CCL23: variants seen among roughly 807,000 people sequenced by gnomAD.
CCL23 encodes the protein C-C motif chemokine ligand 23.
CCL23 carries 10 observed loss-of-function variants against 11.8 expected under a neutral mutation model. The ratio of observed to expected loss-of-function variants is 0.84; its 90% CI spans 0.52 to 1.43. The LOEUF (loss-of-function observed/expected upper bound fraction) is 1.43. CCL23 is among the 40% of genes most tolerant of loss of function. The probability of loss-of-function intolerance (pLI) is 0.00; values close to 1 mark genes in which losing one functional copy is unlikely to be tolerated. For missense variants in CCL23, 181 were observed against 170.9 expected, an observed-to-expected ratio of 1.06 and a Z score of -0.33; for synonymous variants, 60 against 61.0, an observed-to-expected ratio of 0.98 and a Z score of 0.07.
chr17:36,014,529 C>T (rs551650135), intron 1 of CCL23, 136 bp from the exon 2 acceptor site: 18 of 698,920 alleles, frequency 2.6e-5, no homozygotes, highest in East Asian at 1.6e-4. Context: ...CCTGTCTGGG[C>T]TCTAGGCCTG....
chr17:36,013,383 T>C, intron 3 of CCL23, 75 bp from the exon 4 acceptor site: 2 of 862,784 alleles, frequency 2.3e-6, no homozygotes, highest in Non-Finnish European at 3.8e-6. Flanking sequence ...CCATTCTCCC[T>C]GCCCCTCAGA....
chr17:36,014,038 G>T, intron 2 of CCL23, 129 bp from the exon 3 acceptor site: 2 of 929,920 alleles, frequency 2.2e-6, no homozygotes, highest in Non-Finnish European at 3.2e-6. Context: ...CTCAGGGTGG[G>T]CCAGAGCAGG....
In CCL23 at chr17:36,013,767, G is replaced by A. The variant is rs374320959; in HGVS notation, c.279C>T (p.Ser93=). The A allele has an allele frequency of 1.8e-5, 29 of 1,614,032 alleles. No homozygotes were observed. Among genetic ancestry groups the A allele is most frequent in the African/African-American group, 2.7e-5 (2 of 74,918 alleles). ...SLLESYFETN[S]ECSKPGVIFL... is the part of the protein sequence containing the mutation. Reference sequence around the variant, plus strand: ...ACATGACACCCGGCTTGGAGCACTCGCTGTTCGTTTCAAAGTAACTCTCCA... The same window carrying A: ...ACATGACACCCGGCTTGGAGCACTCACTGTTCGTTTCAAAGTAACTCTCCA... Residue 93 remains serine (S), a synonymous_variant, in exon 3 of 4, where the codon AGC becomes AGT. Transcript: ENST00000615050.
In CCL23 at chr17:36,013,811, T is replaced by C; in HGVS notation, c.235A>G (p.Ser79Gly). ...CTCTCCAGGAGTGAACACGGGATGC[T>C]TCGTGGGGTGTAGGAGATGCAGCAG... is the stretch of plus-strand genomic sequence containing the variant. ...ADCCISYTPR[S>G]IPCSLLESYF... The change falls in exon 3 of 4, where the codon AGC becomes GGC. Residue 79 changes from serine (S) to glycine (G), a missense_variant. Coordinates refer to ENST00000615050, the MANE Select transcript of CCL23 (RefSeq NM_005064.6). 6.2e-7 allele frequency: 1 copy of C among 1,614,154 alleles called. No homozygotes were observed. The highest frequency in any genetic ancestry group is 8.5e-7 in the Non-Finnish European group (1 of 1,180,012).
chr17:36,014,256 A>C (rs1016352950), intron 2 of CCL23, 78 bp downstream of exon 2: 2 of 1,081,358 alleles, frequency 1.8e-6, no homozygotes. Flanking sequence ...CCATTCTGTA[A>C]ACAGGGACAA....
chr17:36,015,179 C>T (rs911335471), intron 1 of CCL23, among the ~76,000 whole-genome samples: 1 of 152,110 alleles, frequency 6.6e-6, no homozygotes. Flanking sequence ...TGACTAAGTA[C>T]CTCATGTGAG....
intron 3 of CCL23, 116 bp from the exon 4 acceptor site, chr17:36,013,424 C>CT (rs765028000): frequency 6.4e-3 from 3,639 of 565,390 alleles, no homozygotes; most frequent in East Asian, 0.01. Flanking sequence ...GTTTTTTTTT[C>CT]TTTTTTTTTT....
chr17:36,017,061 G>A (rs1257001701), intron 1 of CCL23, among the ~76,000 whole-genome samples: 2 of 151,978 alleles, frequency 1.3e-5, no homozygotes, highest in African/African-American at 2.4e-5. Context: ...TGGCCTTGTC[G>A]TTCCATAACT....
Position 36,013,271 on chromosome 17 carries a change from G to T in CCL23, c.340C>A (p.Pro114Thr). Reference protein sequence around the residue: ...TKKGRRFCANPSDKQVQVCMR... With the variant: ...TKKGRRFCANTSDKQVQVCMR... ...CAAACCTGAACTTGCTTATCACTGG[G>T]GTTGGCACAGAAACGTCGCCCCTTC... The change falls in exon 4 of 4, where the codon CCC becomes ACC. Residue 114 changes from proline (P) to threonine (T), a missense_variant. By Grantham distance (38) the Pro-to-Thr change is conservative (BLOSUM62 -1). Transcript: ENST00000615050. 6.2e-7 allele frequency: 1 copy of T among 1,613,772 alleles called. No individual in the cohort carries two copies. The highest frequency in any genetic ancestry group is 8.5e-7 in the Non-Finnish European group (1 of 1,179,770).
intron 1 of CCL23, among the ~76,000 whole-genome samples, chr17:36,015,658 G>A (rs574292789): frequency 6.6e-6 from 1 of 152,264 alleles, no homozygotes; most frequent in East Asian, 1.9e-4. Context: ...ATGAAACTAA[G>A]CTTTAAACAT....
In CCL23 at chr17:36,014,411, G is replaced by C. The variant is rs2090082701; in HGVS notation, c.77-18C>G. ...CTCTGCATCTGGAAGAAGCAGACAG[G>C]ACAGGGAAGGAAATCACTGGGCGGC... On this transcript the variant is annotated intron_variant, in intron 1 of 3. Transcript: ENST00000615050. The C allele has an allele frequency of 6.2e-7, 1 of 1,603,608 alleles. No individual in the cohort carries two copies. Among genetic ancestry groups the C allele is most frequent in the African/African-American group, 1.3e-5 (1 of 74,744 alleles).
At position 36,017,907 on chromosome 17, in the gene CCL23, G is replaced by A; in HGVS notation, c.-10C>T. ...CCACGGAGACCTTCATCCTCCTGGT[G>A]GGCAGGCAGGGCTGGCCGAGGACTC... On this transcript the variant is annotated 5_prime_UTR_variant, in exon 1 of 4. Coordinates refer to ENST00000615050, the MANE Select transcript of CCL23 (RefSeq NM_005064.6). 6.2e-7 allele frequency: 1 copy of A among 1,613,236 alleles called. No individual in the cohort carries two copies. Among genetic ancestry groups the A allele is most frequent in the Non-Finnish European group, 8.5e-7 (1 of 1,179,942 alleles).
Position 36,013,385 on chromosome 17 carries a change from C to A in CCL23, c.303-77G>T, listed in dbSNP as rs180759909. 1.3e-3 allele frequency: 1,130 copies of A among 849,706 alleles called. 9 individuals are homozygous for A. The African/African-American group carries it at 0.017, about 13-fold the overall frequency. The allele number at this position is 849,706 out of a possible 1,614,324, so 52.6% of individuals were successfully genotyped here. On this transcript the variant is annotated intron_variant, in intron 3 of 3. Transcript: ENST00000615050. ...GGGACAGGGGGCCCCATTCTCCCTG[C>A]CCCTCAGATTTCCCAGTCAATATAG... is the stretch of plus-strand genomic sequence containing the variant.
chr17:36,013,637 A>C, intron 3 of CCL23, 107 bp downstream of exon 3: 1 of 1,069,890 alleles, frequency 9.3e-7, no homozygotes, highest in Non-Finnish European at 1.4e-6. Context: ...CATACCTGGC[A>C]GGATCCAGAG....
intron 2 of CCL23, 138 bp downstream of exon 2, chr17:36,014,196 T>C: frequency 1.4e-6 from 1 of 721,984 alleles, no homozygotes; most frequent in Non-Finnish European, 2.4e-6. Flanking sequence ...TAGCCCGTCC[T>C]GATCTTCCTT....
intron 1 of CCL23, among the ~76,000 whole-genome samples, chr17:36,017,032 G>GT (rs2090102886): frequency 1.3e-5 from 2 of 151,944 alleles, no homozygotes; most frequent in South Asian, 4.2e-4. Flanking sequence ...TTTGGGTAAG[G>GT]TAAAAAAAAG....
At position 36,014,058 on chromosome 17, in the gene CCL23, A is replaced by C. The variant is rs974976945; in HGVS notation, c.137-149T>G. 13 of 789,266 alleles carry C rather than the reference A, an allele frequency of 1.6e-5. No individual in the cohort carries two copies. In the Admixed American group the frequency reaches 3.1e-4, roughly 19 times the overall value. The allele number at this position is 789,266 out of a possible 1,614,324, so 48.9% of individuals were successfully genotyped here. A position where few individuals can be genotyped will look rare whatever the true frequency, so the allele number is the denominator to read the frequency against. On this transcript the variant is annotated intron_variant, in intron 2 of 3. Coordinates refer to ENST00000615050, the MANE Select transcript of CCL23 (RefSeq NM_005064.6). ...GGTGGGCCAGAGCAGGACCAGGAAAATTTCCCCTAGAAGGGGAAGGCATCT... is the reference window on the plus strand; with the variant it reads ...GGTGGGCCAGAGCAGGACCAGGAAACTTTCCCCTAGAAGGGGAAGGCATCT...
In CCL23 at chr17:36,013,250, C is replaced by A. The variant is rs1224304493; in HGVS notation, c.361G>T (p.Val121Phe). The A allele has an allele frequency of 6.2e-7, 1 of 1,613,958 alleles. No homozygotes were observed. Among genetic ancestry groups the A allele is most frequent in the East Asian group, 2.2e-5 (1 of 44,876 alleles). ...TCCAGCTTCAGCATTCTCATGCAAA[C>A]CTGAACTTGCTTATCACTGGGGTTG... ...CANPSDKQVQ[V>F]CMRMLKLDTR... The change falls in exon 4 of 4, where the codon GTT becomes TTT. Residue 121 changes from valine to phenylalanine, a missense_variant. Transcript: ENST00000615050.
chr17:36,016,270 C>A (rs2090097163), intron 1 of CCL23, among the ~76,000 whole-genome samples: 1 of 152,026 alleles, frequency 6.6e-6, no homozygotes, highest in Middle Eastern at 3.2e-3. Context: ...ATCAACCCAT[C>A]ATCTAGGGCT....
Sources: gnomAD v4.1 joint callset for allele counts (sites outside exome capture counted in the v4.1 genomes callset) on GRCh38, gnomAD v4.1.1 for gene constraint, MANE v1.5 for transcripts, NCBI Gene and HGNC (gene_info 2026-07-23, HGNC 2026-07-21) for gene names.